TAF3: variants seen among roughly 807,000 people sequenced by gnomAD.
TAF3 encodes the protein transcription initiation factor TFIID subunit 3.
TAF3 carries 7 observed loss-of-function variants against 80.6 expected under a neutral mutation model. That is an observed-to-expected ratio of 0.09 (90% CI 0.05 to 0.16). TAF3 has a LOEUF of 0.16. TAF3 is among the 10% of genes least tolerant of loss of function. The pLI, the probability that TAF3 is intolerant of heterozygous loss-of-function variation, is 1.00. For missense variants in TAF3, 921 were observed against 1,140.2 expected, an observed-to-expected ratio of 0.81 and a Z score of 2.77; for synonymous variants, 444 against 446.1, an observed-to-expected ratio of 1.00 and a Z score of 0.06.
intron 2 of TAF3, among the ~76,000 whole-genome samples, chr10:7,895,089 T>A (rs1837492956): frequency 6.6e-6 from 1 of 152,204 alleles, no homozygotes; most frequent in Non-Finnish European, 1.5e-5. Flanking sequence ...TTTGCCAGGC[T>A]CCTGACCTTG....
rs549684235 is a variant in TAF3, at chr10:7,968,930, C to T, written c.2232+3188C>T. Among the ~76,000 whole-genome samples, 16 of 152,226 alleles carry T rather than the reference C, an allele frequency of 1.1e-4. No individual in the cohort carries two copies. In the East Asian group the frequency reaches 2.9e-3, roughly 28 times the overall value. ...GTGAGTTGTGCAAGCTTTTAGTTCC[C>T]CTTCGTGGGCAGTCAGACACCTAGT... On this transcript the variant is annotated intron_variant, in intron 3 of 6. Transcript: ENST00000344293.
intron 2 of TAF3, among the ~76,000 whole-genome samples, chr10:7,941,728 T>C (rs903316347): frequency 3.3e-5 from 5 of 152,156 alleles, no homozygotes; most frequent in Non-Finnish European, 5.9e-5. Context: ...CAAGAACTTA[T>C]TTACTTGAAC....
At chr10:7,896,942 G>T (rs766396347) in intron 2 of TAF3, among the ~76,000 whole-genome samples, 1 of 152,126 alleles carries the variant, frequency 6.6e-6, no homozygotes, top group Non-Finnish European at 1.5e-5. Context: ...CCTTGCATCC[G>T]TAGGACTGAG....
intron 4 of TAF3, among the ~76,000 whole-genome samples, chr10:7,990,153 C>G (rs1368507104): frequency 6.6e-6 from 1 of 152,004 alleles, no homozygotes; most frequent in Non-Finnish European, 1.5e-5. Flanking sequence ...GTGTTATAAC[C>G]CAACTGAGAA....
At chr10:7,972,173 TTTTG>T (rs1484377665) in intron 3 of TAF3, among the ~76,000 whole-genome samples, 1 of 152,240 alleles carries the variant, frequency 6.6e-6, no homozygotes, top group Non-Finnish European at 1.5e-5. Flanking sequence ...GAAGTCATCC[TTTTG>T]TTTGTTGTTT....
intron 2 of TAF3, among the ~76,000 whole-genome samples, chr10:7,872,216 T>TTA (rs1837273587): frequency 6.7e-6 from 1 of 149,196 alleles, no homozygotes; most frequent in South Asian, 2.1e-4. Flanking sequence ...TGGGTTGATT[T>TTA]TTTTTTTTTT....
At chr10:7,918,718 G>A (rs891147649) in intron 2 of TAF3, among the ~76,000 whole-genome samples, 1 of 152,188 alleles carries the variant, frequency 6.6e-6, no homozygotes, top group African/African-American at 2.4e-5. Context: ...ATTATATTCC[G>A]TAGACCGTAT....
At chr10:7,997,852 T>C (rs1035704678) in intron 4 of TAF3, among the ~76,000 whole-genome samples, 4 of 152,070 alleles carry the variant, frequency 2.6e-5, no homozygotes, top group Non-Finnish European at 4.4e-5. Context: ...ATGAAACAAA[T>C]AATGGTTGGC....
rs760432443 is a variant in TAF3, at chr10:7,965,668, G to C, written c.2158G>C (p.Glu720Gln). ...KKKEKEKEKK[E>Q]KEREKEKRER... ...GAAGGAAAAAGAGAAGGAGAAGAAG[G>C]AGAAGGAAAGAGAGAAAGAGAAGAG... The change falls in exon 3 of 7, where the codon GAG becomes CAG. Residue 720 changes from glutamate (E) to glutamine (Q), a missense_variant. By Grantham distance (29) the Glu-to-Gln change is conservative. Coordinates refer to ENST00000344293, the MANE Select transcript of TAF3 (RefSeq NM_031923.4). 2 of 1,572,820 alleles carry C rather than the reference G, an allele frequency of 1.3e-6. No homozygotes were observed. The highest frequency in any genetic ancestry group is 2.4e-5 in the South Asian group (2 of 83,108).
chr10:7,836,759 A>G (rs1307228693), intron 2 of TAF3, among the ~76,000 whole-genome samples: 1 of 152,212 alleles, frequency 6.6e-6, no homozygotes, highest in Non-Finnish European at 1.5e-5. Flanking sequence ...ATATTATTGC[A>G]TCACTTCCTT....
intron 2 of TAF3, among the ~76,000 whole-genome samples, chr10:7,843,517 G>A (rs1361888823): frequency 6.6e-6 from 1 of 152,102 alleles, no homozygotes; most frequent in East Asian, 1.9e-4. Context: ...TGAACCCTTA[G>A]TCATATTGAA....
intron 2 of TAF3, among the ~76,000 whole-genome samples, chr10:7,837,256 G>A (rs933421140): frequency 6.6e-6 from 1 of 151,986 alleles, no homozygotes; most frequent in Non-Finnish European, 1.5e-5. Context: ...CCAGCTACTC[G>A]GGAGGCTGAG....
At chr10:7,931,691 G>A (rs1451556266) in intron 2 of TAF3, among the ~76,000 whole-genome samples, 1 of 152,162 alleles carries the variant, frequency 6.6e-6, no homozygotes. Flanking sequence ...TGTATGTTCT[G>A]CAATTTTATT....
intron 2 of TAF3, among the ~76,000 whole-genome samples, chr10:7,914,821 G>A (rs1837693008): frequency 6.6e-6 from 1 of 151,834 alleles, no homozygotes; most frequent in Non-Finnish European, 1.5e-5. Flanking sequence ...TAGAGTGAAA[G>A]GTGTATTGTT....
intron 2 of TAF3, among the ~76,000 whole-genome samples, chr10:7,918,013 G>A (rs1168287164): frequency 2.0e-5 from 3 of 152,136 alleles, no homozygotes; most frequent in Non-Finnish European, 4.4e-5. Context: ...TAGCTGGGCC[G>A]GGGCATTTGT....
chr10:7,930,588 A>G (rs890577368), intron 2 of TAF3, among the ~76,000 whole-genome samples: 19 of 152,322 alleles, frequency 1.2e-4, no homozygotes, highest in Non-Finnish European at 1.9e-4. Context: ...TCTATATAGT[A>G]GCTGGCAGTC....
rs1046491707 is a variant in TAF3 at position 7,829,352 on chromosome 10, A to G, written c.409+4792A>G. Among the ~76,000 whole-genome samples, 4 of 152,154 alleles carry G rather than the reference A, an allele frequency of 2.6e-5. No individual in the cohort carries two copies. The South Asian group carries it at 8.3e-4, about 32-fold the overall frequency. On this transcript the variant is annotated intron_variant, in intron 2 of 6. Transcript: ENST00000344293. ...ATTAAGTGACGCCCGCACTGTATTGACATTCCTTAGTTTTTACTGGATGTC... is the reference window on the plus strand; with the variant it reads ...ATTAAGTGACGCCCGCACTGTATTGGCATTCCTTAGTTTTTACTGGATGTC...
chr10:7,889,412 G>C (rs1837438694), intron 2 of TAF3, among the ~76,000 whole-genome samples: 1 of 152,188 alleles, frequency 6.6e-6, no homozygotes, highest in Admixed American at 6.5e-5. Context: ...AACCCTGTAA[G>C]GCAAATACTA....
chr10:7,989,910 GTTTTAT>G (rs1831817417), intron 4 of TAF3, among the ~76,000 whole-genome samples: 1 of 151,838 alleles, frequency 6.6e-6, no homozygotes, highest in Non-Finnish European at 1.5e-5. Flanking sequence ...TACTTACCTG[GTTTTAT>G]TTTTATAACT....
Sources: gnomAD v4.1 joint callset for allele counts (sites outside exome capture counted in the v4.1 genomes callset) on GRCh38, gnomAD v4.1.1 for gene constraint, MANE v1.5 for transcripts, NCBI Gene and HGNC (gene_info 2026-07-23, HGNC 2026-07-21) for gene names.